The following SH3RF3 variants were observed in gnomAD, a reference collection of about 807,000 sequenced individuals.
SH3RF3 encodes SH3 domain containing ring finger 3.
Under a neutral mutation model 66.3 loss-of-function variants are expected in SH3RF3, and 29 were observed. That is an observed-to-expected ratio of 0.44 (90% CI 0.33 to 0.60). The LOEUF is 0.60. Ranked by LOEUF, SH3RF3 falls within the 20% of genes least tolerant of loss-of-function variation. The pLI is 0.04. For synonymous variants in SH3RF3, 583 were observed against 532.0 expected, an observed-to-expected ratio of 1.10 and a Z score of -1.32; for missense variants, 1,194 against 1,190.9, an observed-to-expected ratio of 1.00 and a Z score of -0.04.
intron 5 of SH3RF3, among the ~76,000 whole-genome samples, chr2:109,428,461 C>A (rs907825523): frequency 6.6e-6 from 1 of 152,236 alleles, no homozygotes; most frequent in Admixed American, 6.5e-5. Context: ...TCAGCCGAGT[C>A]GGCCCAGCCG....
chr2:109,387,103 A>G (rs1675842071), intron 3 of SH3RF3, among the ~76,000 whole-genome samples: 1 of 152,232 alleles, frequency 6.6e-6, no homozygotes, highest in East Asian at 1.9e-4. Flanking sequence ...AACGAGGTGA[A>G]ACGTTGTTAG....
chr2:109,242,995 A>G lies in SH3RF3; in HGVS notation c.574-104679A>G, dbSNP rs141077577. 3.3e-3 allele frequency among the ~76,000 whole-genome samples: 508 copies of G among 152,350 alleles called. 4 individuals are homozygous for G. Among genetic ancestry groups the G allele is most frequent in the African/African-American group, 0.011 (464 of 41,584 alleles). ...GACTTCCGTGACTCATGGTTCTGTT[A>G]TTCTGAGTGTTTGAGACTATTAAGG... On this transcript the variant is annotated intron_variant, in intron 1 of 9. Transcript: ENST00000309415.
At chr2:109,256,162 C>T (rs560942421) in intron 1 of SH3RF3, among the ~76,000 whole-genome samples, 4 of 152,302 alleles carry the variant, frequency 2.6e-5, no homozygotes, top group Admixed American at 1.3e-4. Flanking sequence ...CAGCACCTGG[C>T]GGAGGCCCTC....
chr2:109,374,035 G>A (rs746900713), intron 3 of SH3RF3, among the ~76,000 whole-genome samples: 11 of 152,166 alleles, frequency 7.2e-5, no homozygotes, highest in Non-Finnish European at 1.0e-4. Flanking sequence ...CAGCATGACT[G>A]CCTGTGGGTC....
At chr2:109,272,490 T>C (rs1211134056) in intron 1 of SH3RF3, among the ~76,000 whole-genome samples, 1 of 152,180 alleles carries the variant, frequency 6.6e-6, no homozygotes, top group East Asian at 1.9e-4. Flanking sequence ...GGAGCCCCCT[T>C]CGCCTCTAAC....
At position 109,226,441 on chromosome 2, in the gene SH3RF3, T is replaced by C. The variant is rs946782057; in HGVS notation, c.573+96328T>C. On this transcript the variant is annotated intron_variant, in intron 1 of 9. Transcript: ENST00000309415. The stretch of plus-strand genomic sequence containing the variant: ...GAGGTCTAATGACACACGTGGCCCA[T>C]GTGCAGTCCTCATCGTTAAGTAAGT... 2.2e-4 allele frequency among the ~76,000 whole-genome samples: 33 copies of C among 152,208 alleles called. 1 individual carries two copies. Among genetic ancestry groups the C allele is most frequent in the African/African-American group, 7.2e-4 (30 of 41,452 alleles).
intron 1 of SH3RF3, among the ~76,000 whole-genome samples, chr2:109,335,977 G>A (rs1202234708): frequency 6.6e-6 from 1 of 152,190 alleles, no homozygotes; most frequent in Admixed American, 6.5e-5. Flanking sequence ...CTGATAGCAC[G>A]ATGTTGTCGA....
intron 1 of SH3RF3, among the ~76,000 whole-genome samples, chr2:109,201,594 A>G (rs1451745797): frequency 1.3e-5 from 2 of 152,160 alleles, no homozygotes; most frequent in East Asian, 1.9e-4. Flanking sequence ...TGAAAGTGTG[A>G]TCTGGGACCA....
chr2:109,298,317 A>G (rs1681373733), intron 1 of SH3RF3, among the ~76,000 whole-genome samples: 1 of 151,952 alleles, frequency 6.6e-6, no homozygotes, highest in South Asian at 2.1e-4. Context: ...AGGGAAGCGC[A>G]TCTATGTCTG....
Position 109,501,781 on chromosome 2 carries a change from G to T in SH3RF3, c.*110G>T. ...CCAAGGGTTCCAGGTCATCTCCAAGGCACCTGGCGGGGGATACCCTGGCCC... is the reference window on the plus strand; with the variant it reads ...CCAAGGGTTCCAGGTCATCTCCAAGTCACCTGGCGGGGGATACCCTGGCCC... On this transcript the variant is annotated 3_prime_UTR_variant, in exon 10 of 10. Coordinates refer to ENST00000309415, the MANE Select transcript of SH3RF3 (RefSeq NM_001099289.3). The T allele has an allele frequency of 1.6e-6, 1 of 632,812 alleles. No individual in the cohort carries two copies. 39.2% of individuals were successfully genotyped at this position (632,812 alleles called of 1,614,324 possible). A position where few individuals can be genotyped will look rare whatever the true frequency, so the allele number is the denominator to read the frequency against.
chr2:109,251,736 C>A, intron 1 of SH3RF3: 3 of 655,844 alleles, frequency 4.6e-6, no homozygotes, highest in South Asian at 3.8e-5. Context: ...TGTACATTTT[C>A]ATATTAGACT....
chr2:109,147,455 C>T lies in SH3RF3; in HGVS notation c.573+17342C>T, dbSNP rs146884164. Among the ~76,000 whole-genome samples the T allele has an allele frequency of 7.8e-3, 1,182 of 152,184 alleles. 13 individuals are homozygous for T. The highest frequency in any genetic ancestry group is 0.033 in the East Asian group (172 of 5,174). ...ATACTAGAGAAACATCATATCTGTG[C>T]GTATTTATAATTTTCCATCTACCAC... On this transcript the variant is annotated intron_variant, in intron 1 of 9. Coordinates refer to ENST00000309415, the MANE Select transcript of SH3RF3 (RefSeq NM_001099289.3).
chr2:109,306,981 GAA>G (rs1294049068), intron 1 of SH3RF3, among the ~76,000 whole-genome samples: 2 of 152,208 alleles, frequency 1.3e-5, no homozygotes, highest in African/African-American at 4.8e-5. Flanking sequence ...CGCTTGGCAT[GAA>G]CAACACAGGT....
At chr2:109,135,262 C>T (rs1676789426) in intron 1 of SH3RF3, among the ~76,000 whole-genome samples, 1 of 152,210 alleles carries the variant, frequency 6.6e-6, no homozygotes, top group South Asian at 2.1e-4. Flanking sequence ...CTGAAGCCCA[C>T]ACACAGGACT....
intron 1 of SH3RF3, among the ~76,000 whole-genome samples, chr2:109,132,026 G>C (rs1284088093): frequency 1.3e-5 from 2 of 152,176 alleles, no homozygotes; most frequent in Non-Finnish European, 2.9e-5. Flanking sequence ...CTATACAGTT[G>C]GTTGACAAAG....
chr2:109,488,374 T>C (rs1466392678), intron 8 of SH3RF3, among the ~76,000 whole-genome samples: 1 of 152,202 alleles, frequency 6.6e-6, no homozygotes, highest in Non-Finnish European at 1.5e-5. Context: ...GGTCACCCTC[T>C]CATCAAGAAC....
chr2:109,501,087 G>A (rs910731304), intron 9 of SH3RF3, among the ~76,000 whole-genome samples: 2 of 152,182 alleles, frequency 1.3e-5, no homozygotes, highest in African/African-American at 4.8e-5. Context: ...GTGAGGACAC[G>A]AGCCCAGGGT....
rs184504060 is a variant in SH3RF3, at chr2:109,286,953, T to G, written c.574-60721T>G. The stretch of plus-strand genomic sequence containing the variant: ...TGAGCATTTGTGGACCCTGCCCAGG[T>G]GGTTCCGCCATCCTCCACAGACTGG... On this transcript the variant is annotated intron_variant, in intron 1 of 9. Coordinates refer to ENST00000309415, the MANE Select transcript of SH3RF3 (RefSeq NM_001099289.3). Among the ~76,000 whole-genome samples the G allele has an allele frequency of 2.0e-5, 3 of 152,294 alleles. No homozygotes were observed. In the East Asian group the frequency reaches 5.8e-4, roughly 29 times the overall value.
chr2:109,408,035 T>C (rs963252966), intron 4 of SH3RF3, among the ~76,000 whole-genome samples: 7 of 152,152 alleles, frequency 4.6e-5, no homozygotes, highest in Non-Finnish European at 7.3e-5. Context: ...GGAAAGATCC[T>C]TGGGTCTTCT....
Sources: gnomAD v4.1 joint callset for allele counts (sites outside exome capture counted in the v4.1 genomes callset) on GRCh38, gnomAD v4.1.1 for gene constraint, MANE v1.5 for transcripts, NCBI Gene and HGNC (gene_info 2026-07-23, HGNC 2026-07-21) for gene names.